The following DNAH10 variants were observed in gnomAD, a reference collection of about 807,000 sequenced individuals.
DNAH10 encodes axonemal beta dynein heavy chain 10.
DNAH10 carries 348 observed loss-of-function variants against 506.6 expected under a neutral mutation model. That is an observed-to-expected ratio of 0.69 (90% CI 0.63 to 0.75). The LOEUF (loss-of-function observed/expected upper bound fraction) is 0.75, where lower values mean the gene tolerates loss of function less well. DNAH10 is among the 30% of genes least tolerant of loss of function. The probability of loss-of-function intolerance (pLI) is 0.00; values close to 1 mark genes in which losing one functional copy is unlikely to be tolerated. For missense variants in DNAH10, 5,179 were observed against 5,787.1 expected (o/e 0.89, Z 3.41); for synonymous variants, 2,059 against 2,198.6 (o/e 0.94, Z 1.78).
At position 123,762,957 on chromosome 12, in the gene DNAH10, G is replaced by T. The variant is rs1270714424; in HGVS notation, c.214+407G>T. Among the ~76,000 whole-genome samples, 1 of 152,154 alleles carries T rather than the reference G, an allele frequency of 6.6e-6. No individual in the cohort carries two copies. The highest frequency in any genetic ancestry group is 2.4e-5 in the African/African-American group (1 of 41,432). On this transcript the variant is annotated intron_variant, in intron 1 of 78. Coordinates refer to ENST00000673944, the MANE Select transcript of DNAH10 (RefSeq NM_001372106.1). The surrounding 1 kb of genome is among the most constrained non-coding windows in gnomAD (Gnocchi z 5.0). ...CCCACGGGGCGTCAAGATCCACTGTGCAATAATCCGAACGGCTGGGTAGAG... is the reference window on the plus strand; with the variant it reads ...CCCACGGGGCGTCAAGATCCACTGTTCAATAATCCGAACGGCTGGGTAGAG...
At position 123,799,270 on chromosome 12, in the gene DNAH10, G is replaced by A; in HGVS notation, c.2188G>A (p.Gly730Ser). ...GGTCAAACAAAAATATTTGGAAGTAGGTAGGACAATGAAGGAGTATGAAGA... is the reference window on the plus strand; with the variant it reads ...GGTCAAACAAAAATATTTGGAAGTAAGTAGGACAATGAAGGAGTATGAAGA... ...QEVKQKYLEV[G>S]RTMKEYEDRK... The change falls in exon 14 of 79, where the codon GGT becomes AGT. Residue 730 changes from glycine (G) to serine (S), a missense_variant. Physicochemically the swap from Gly to Ser is moderately conservative, Grantham distance 56. Around this residue, in one of 3 missense-constraint regions of DNAH10, gnomAD observed 4,844 missense variants for 5,430.5 expected, o/e 0.89. Coordinates refer to ENST00000673944, the MANE Select transcript of DNAH10 (RefSeq NM_001372106.1). 1.2e-6 allele frequency: 2 copies of A among 1,613,324 alleles called. No individual in the cohort carries two copies. The highest frequency in any genetic ancestry group is 3.3e-5 in the Admixed American group (2 of 59,978).
At chr12:123,778,865 G>A (rs1303091417) in intron 5 of DNAH10, among the ~76,000 whole-genome samples, 2 of 151,502 alleles carry the variant, frequency 1.3e-5, no homozygotes, top group African/African-American at 4.9e-5. Flanking sequence ...AGCCTCCGGA[G>A]TAGCTGGGTC....
At chr12:123,820,507 T>G in intron 23 of DNAH10, 73 bp from the exon 24 acceptor site, 2 of 1,418,094 alleles carry the variant, frequency 1.4e-6, no homozygotes, top group South Asian at 1.3e-5. Flanking sequence ...AGATACATTA[T>G]GCATGATTTC....
intron 45 of DNAH10, 79 bp from the exon 46 acceptor site, chr12:123,873,479 T>C (rs1171443280): frequency 6.6e-7 from 1 of 1,515,452 alleles, no homozygotes; most frequent in East Asian, 2.3e-5. Flanking sequence ...GCAAAATAGT[T>C]GCTAGCTTAT....
intron 19 of DNAH10, 96 bp from the exon 20 acceptor site, chr12:123,813,068 A>G (rs1959002588): frequency 1.2e-6 from 1 of 820,952 alleles, no homozygotes; most frequent in Non-Finnish European, 1.9e-6. Context: ...GTGATTTTCC[A>G]TTACTGGCAA....
At chr12:123,783,357 A>G (rs1957734530) in intron 7 of DNAH10, 93 bp downstream of exon 7, 18 of 1,449,976 alleles carry the variant, frequency 1.2e-5, no homozygotes, top group Non-Finnish European at 1.7e-5. Flanking sequence ...ATCATCTGGC[A>G]TCTTTTCTTA....
intron 44 of DNAH10, 40 bp from the exon 45 acceptor site, chr12:123,871,417 G>A (rs1460130050): frequency 6.4e-7 from 1 of 1,571,668 alleles, no homozygotes; most frequent in African/African-American, 1.3e-5. Context: ...TCACCCTATT[G>A]GAGTTGCTGA....
At chr12:123,814,042 A>AC in intron 21 of DNAH10, 130 bp downstream of exon 21, 13 of 841,996 alleles carry the variant, frequency 1.5e-5, no homozygotes, top group South Asian at 2.1e-5. Context: ...AATACATTGT[A>AC]AATGTAAAGC....
chr12:123,866,161 G>T, intron 41 of DNAH10, 88 bp downstream of exon 41: 1 of 1,162,782 alleles, frequency 8.6e-7, no homozygotes, highest in Non-Finnish European at 1.1e-6. Context: ...TGTAGTTGAA[G>T]GCGATGACTT....
In DNAH10 at chr12:123,925,331, A is replaced by G. The variant is rs1954896598; in HGVS notation, c.11921+127A>G. 1 of 1,204,288 alleles carries G rather than the reference A, an allele frequency of 8.3e-7. No individual in the cohort carries two copies. The highest frequency in any genetic ancestry group is 1.5e-5 in the African/African-American group (1 of 65,824). 74.6% of individuals were successfully genotyped at this position (1,204,288 alleles called of 1,614,324 possible). A position where few individuals can be genotyped will look rare whatever the true frequency, so the allele number is the denominator to read the frequency against. On this transcript the variant is annotated intron_variant, in intron 68 of 78. Transcript: ENST00000673944. The surrounding 1 kb of genome is among the most constrained non-coding windows in gnomAD (Gnocchi z 4.0). Reference sequence around the variant, plus strand: ...GACAGCTGTCGCCACCCTGCTGTACAATATTCGATAGCCGATATTCTAGAA... The same window carrying G: ...GACAGCTGTCGCCACCCTGCTGTACGATATTCGATAGCCGATATTCTAGAA...
rs1468169661 is a variant in DNAH10, at chr12:123,913,338, C to T, written c.10352+23C>T. 11 of 1,548,438 alleles carry T rather than the reference C, an allele frequency of 7.1e-6. No individual in the cohort carries two copies. Among genetic ancestry groups the T allele is most frequent in the Non-Finnish European group, 9.6e-6 (11 of 1,145,704 alleles). ...CAGGTTAGCGCTGCTCACGAGCCCA[C>T]CTGTTGCGGTTTGTAAACGGACGTC... On this transcript the variant is annotated intron_variant, in intron 60 of 78. Transcript: ENST00000673944. This position sits in a 1 kb window ranked among gnomAD's most constrained non-coding sequence, Gnocchi z 5.1.
In DNAH10 at chr12:123,796,070, T is replaced by C. The variant is rs572345018; in HGVS notation, c.1987-586T>C. On this transcript the variant is annotated intron_variant, in intron 12 of 78. Transcript: ENST00000673944. ...CCACTGTGGTCATGTCTAGAACAGA[T>C]TTCCGGATTTCTGATAATTGGATCA... is the stretch of plus-strand genomic sequence containing the variant. Among the ~76,000 whole-genome samples the C allele has an allele frequency of 2.2e-4, 34 of 152,216 alleles. No individual in the cohort carries two copies. In the South Asian group the frequency reaches 7.1e-3, roughly 32 times the overall value.
chr12:123,934,111 C>T, intron 77 of DNAH10: 2 of 613,590 alleles, frequency 3.3e-6, no homozygotes, highest in Non-Finnish European at 5.9e-6. Context: ...GGGGAGGTGG[C>T]AGGTGTCCGG....
Position 123,785,813 on chromosome 12 carries a change from G to A in DNAH10, c.1298G>A (p.Arg433Gln), listed in dbSNP as rs749515621. The change falls in exon 9 of 79, where the codon CGG (arginine) becomes CAG (glutamine). Residue 433 changes from arginine to glutamine, a missense_variant. Around this residue, in one of 3 missense-constraint regions of DNAH10, gnomAD observed 4,844 missense variants for 5,430.5 expected, o/e 0.89. Coordinates refer to ENST00000673944, the MANE Select transcript of DNAH10 (RefSeq NM_001372106.1). This position sits in a 1 kb window ranked among gnomAD's most constrained non-coding sequence, Gnocchi z 4.1. ...DTIPAMMSAL[R>Q]MVWIISRHYN... ...ATCCCCGCCATGATGAGTGCCCTGC[G>A]GATGGTGTGGATCATCTCCCGACAC... The A allele has an allele frequency of 1.1e-5, 17 of 1,613,970 alleles. No individual in the cohort carries two copies. Among genetic ancestry groups the A allele is most frequent in the African/African-American group, 6.7e-5 (5 of 74,878 alleles).
In DNAH10 at chr12:123,785,701, C is replaced by A; in HGVS notation, c.1231-45C>A. 6.8e-7 allele frequency: 1 copy of A among 1,470,090 alleles called. No individual in the cohort carries two copies. Among genetic ancestry groups the A allele is most frequent in the Non-Finnish European group, 9.1e-7 (1 of 1,096,972 alleles). 91.1% of individuals were successfully genotyped at this position (1,470,090 alleles called of 1,614,324 possible). ...TACTGTTTTATGAAACTATTTGGAC[C>A]CCAAGGCTAAGGGCTCTTGCGTGGC... On this transcript the variant is annotated intron_variant, in intron 8 of 78. Transcript: ENST00000673944. The surrounding 1 kb of genome is among the most constrained non-coding windows in gnomAD (Gnocchi z 4.1).
At position 123,930,563 on chromosome 12, in the gene DNAH10, G is replaced by C; in HGVS notation, c.12774G>C (p.Glu4258Asp). The stretch of plus-strand genomic sequence containing the variant: ...AAATCCCTGTTGGTGATGAAAAGGA[G>C]AAATTTGTTGGTGAGATTTCTCAGA... ...DYKIPVGDEK[E>D]KFVEAIEALP... Residue 4258 changes from glutamate (E) to aspartate (D), a missense_variant, in exon 73 of 79, where the codon GAG (glutamate) becomes GAC (aspartate). Transcript: ENST00000673944. The C allele has an allele frequency of 3.1e-6, 5 of 1,605,404 alleles. No homozygotes were observed. Among genetic ancestry groups the C allele is most frequent in the Non-Finnish European group, 4.2e-6 (5 of 1,177,856 alleles).
chr12:123,894,082 CTTTTTTTTTTTTT>C lies in DNAH10; in HGVS notation c.9200-547_9200-535del, dbSNP rs558490981. 3.7e-3 allele frequency among the ~76,000 whole-genome samples: 327 copies of C among 89,160 alleles called. 3 individuals are homozygous for C. The highest frequency in any genetic ancestry group is 0.012 in the African/African-American group (284 of 23,182). The allele number at this position is 89,160 out of a possible 152,430, so 58.5% of individuals were successfully genotyped here. A position where few individuals can be genotyped will look rare whatever the true frequency, so the allele number is the denominator to read the frequency against. ...GTCTCAGGGTTGCAGAATGAGCATC[CTTTTTTTTTTTTT>C]TTTTTTTTTTTTTGAGACAGAATCT... On this transcript the variant is annotated intron_variant, in intron 53 of 78. Coordinates refer to ENST00000673944, the MANE Select transcript of DNAH10 (RefSeq NM_001372106.1).
chr12:123,801,298 A>C lies in DNAH10; in HGVS notation c.2480A>C (p.Gln827Pro), dbSNP rs765107056. The C allele has an allele frequency of 6.2e-7, 1 of 1,614,090 alleles. No individual in the cohort carries two copies. Among genetic ancestry groups the C allele is most frequent in the South Asian group, 1.1e-5 (1 of 91,054 alleles). Residue 827 changes from glutamine (Q) to proline (P), a missense_variant, in exon 16 of 79, where the codon CAG becomes CCG. By Grantham distance (76) the Gln-to-Pro change is moderately conservative (BLOSUM62 -1). Around this residue, in one of 3 missense-constraint regions of DNAH10, gnomAD observed 4,844 missense variants for 5,430.5 expected, o/e 0.89. Coordinates refer to ENST00000673944, the MANE Select transcript of DNAH10 (RefSeq NM_001372106.1). ...DKFLRYTAGI[Q>P]RMLDHYHMLI... ...ATGTGCAGGTACACAGCTGGGATAC[A>C]GCGCATGTTGGATCATTATCACATG...
In DNAH10 at chr12:123,825,700, G is replaced by A. The variant is rs182117417; in HGVS notation, c.4180-987G>A. Among the ~76,000 whole-genome samples the A allele has an allele frequency of 8.5e-4, 130 of 152,244 alleles. 2 individuals are homozygous for A. The East Asian group carries it at 0.023, about 26-fold the overall frequency. ...ACAGGGAAATGGGGCAGCTTTTGAG[G>A]GTGATGAATGAGTTTGCTATCTTGA... On this transcript the variant is annotated intron_variant, in intron 24 of 78. Coordinates refer to ENST00000673944, the MANE Select transcript of DNAH10 (RefSeq NM_001372106.1).
Sources: gnomAD v4.1 joint callset for allele counts (sites outside exome capture counted in the v4.1 genomes callset) on GRCh38, gnomAD v4.1.1 for gene constraint, gnomAD v4.1.1 regional missense constraint, Gnocchi (gnomAD v3.1) non-coding constraint, MANE v1.5 for transcripts, NCBI Gene and HGNC (gene_info 2026-07-23, HGNC 2026-07-21) for gene names.